Variants in KPNA3 observed in about 807,000 individuals in gnomAD.
KPNA3 encodes the protein karyopherin subunit alpha 3, also known as importin subunit alpha-4.
KPNA3 carries 13 observed loss-of-function variants against 73.8 expected under a neutral mutation model. That is an observed-to-expected ratio of 0.18 (90% CI 0.11 to 0.28). The LOEUF is 0.28. Ranked by LOEUF, KPNA3 falls within the 10% of genes least tolerant of loss-of-function variation. The probability of loss-of-function intolerance (pLI) is 1.00; values close to 1 mark genes in which losing one functional copy is unlikely to be tolerated. For missense variants in KPNA3, 360 were observed against 618.1 expected, an observed-to-expected ratio of 0.58 and a Z score of 4.43; for synonymous variants, 186 against 206.9, an observed-to-expected ratio of 0.90 and a Z score of 0.87.
intron 1 of KPNA3, among the ~76,000 whole-genome samples, chr13:49,761,706 T>C (rs1246634590): frequency 9.9e-5 from 15 of 151,406 alleles, no homozygotes; most frequent in Admixed American, 4.6e-4. Flanking sequence ...GCCCATCGTC[T>C]GGGATGTGAG....
chr13:49,722,833 A>G (rs1242981525), intron 7 of KPNA3, among the ~76,000 whole-genome samples: 1 of 149,040 alleles, frequency 6.7e-6, no homozygotes, highest in East Asian at 2.0e-4. Context: ...AATCCATTAA[A>G]AAAAAAAAAA....
chr13:49,775,476 A>G (rs1186652514), intron 1 of KPNA3, among the ~76,000 whole-genome samples: 1 of 152,164 alleles, frequency 6.6e-6, no homozygotes, highest in Non-Finnish European at 1.5e-5. Flanking sequence ...ACTGTGACAA[A>G]CTAGGGAGAA....
intron 1 of KPNA3, among the ~76,000 whole-genome samples, chr13:49,789,193 T>C (rs1196077931): frequency 1.3e-5 from 2 of 152,240 alleles, no homozygotes; most frequent in East Asian, 1.9e-4. Context: ...AAGCAACTCT[T>C]TGCCACAAGA....
intron 9 of KPNA3, 132 bp downstream of exon 9, chr13:49,721,819 TCAAA>T (rs886583632): frequency 1.5e-4 from 82 of 557,172 alleles, no homozygotes; most frequent in South Asian, 4.6e-4. Context: ...GACTCCGTTA[TCAAA>T]CAAACAAACA....
At chr13:49,767,544 G>C (rs1334918419) in intron 1 of KPNA3, among the ~76,000 whole-genome samples, 2 of 152,114 alleles carry the variant, frequency 1.3e-5, no homozygotes, top group African/African-American at 4.8e-5. Context: ...GTGTGTGAAA[G>C]AGTATCAAAT....
chr13:49,782,141 T>C (rs936745502), intron 1 of KPNA3, among the ~76,000 whole-genome samples: 2 of 152,158 alleles, frequency 1.3e-5, no homozygotes, highest in Non-Finnish European at 2.9e-5. Flanking sequence ...AGCACCTACA[T>C]TAAAAATCCC....
At chr13:49,762,727 C>T (rs1023177495) in intron 1 of KPNA3, among the ~76,000 whole-genome samples, 5 of 151,916 alleles carry the variant, frequency 3.3e-5, no homozygotes, top group African/African-American at 9.7e-5. Flanking sequence ...ACAAACACTG[C>T]GGTAGGCCGC....
In KPNA3 at chr13:49,750,915, C is replaced by A. The variant is rs181016974; in HGVS notation, c.70-3922G>T. ...GCTGAGGCACAAGAATTGCTTGAAC[C>A]TGGGAGGCGGAGGTTGCCATGAGCC... On this transcript the variant is annotated intron_variant, in intron 1 of 16. Transcript: ENST00000261667. 1.5e-3 allele frequency among the ~76,000 whole-genome samples: 232 copies of A among 152,126 alleles called. 1 individual carries two copies. Among genetic ancestry groups the A allele is most frequent in the African/African-American group, 5.1e-3 (213 of 41,492 alleles).
At chr13:49,718,190 CT>C (rs141924049) in intron 10 of KPNA3, among the ~76,000 whole-genome samples, 2,354 of 152,228 alleles carry the variant, frequency 0.015, 23 homozygotes, top group Non-Finnish European at 0.021. Flanking sequence ...TACAAGGATA[CT>C]GGTAAGATAA....
At chr13:49,788,766 A>C (rs1481857476) in intron 1 of KPNA3, among the ~76,000 whole-genome samples, 2 of 149,892 alleles carry the variant, frequency 1.3e-5, no homozygotes, top group Non-Finnish European at 3.0e-5. Flanking sequence ...TCCAGAACAA[A>C]TAAAAGGAAA....
intron 1 of KPNA3, among the ~76,000 whole-genome samples, chr13:49,762,143 G>A (rs1315641070): frequency 1.3e-4 from 19 of 149,960 alleles, no homozygotes; most frequent in African/African-American, 3.9e-4. Context: ...CTCCCCGTCC[G>A]GGAGGGAGGT....
intron 1 of KPNA3, among the ~76,000 whole-genome samples, chr13:49,769,188 C>T (rs556969861): frequency 6.6e-5 from 10 of 152,262 alleles, no homozygotes; most frequent in East Asian, 5.8e-4. Flanking sequence ...CAGAATGCCA[C>T]GTTACTTTTA....
intron 1 of KPNA3, among the ~76,000 whole-genome samples, chr13:49,761,896 G>A (rs976775881): frequency 9.3e-5 from 14 of 151,306 alleles, no homozygotes; most frequent in African/African-American, 2.2e-4. Context: ...CCACGACTCC[G>A]TCTGTGAGGT....
chr13:49,722,587 T>A, intron 7 of KPNA3, 24 bp from the exon 8 acceptor site: 1 of 1,405,110 alleles, frequency 7.1e-7, no homozygotes, highest in Non-Finnish European at 1.0e-6. Context: ...AAACTAATAT[T>A]TATACTAGCA....
At chr13:49,730,681 C>T (rs1300079739) in intron 6 of KPNA3, among the ~76,000 whole-genome samples, 1 of 150,316 alleles carries the variant, frequency 6.7e-6, no homozygotes, top group Non-Finnish European at 1.5e-5. Flanking sequence ...AGGTTAGTTA[C>T]ATATGTATAC....
chr13:49,721,915 G>C, intron 9 of KPNA3, 40 bp downstream of exon 9: 1 of 1,350,642 alleles, frequency 7.4e-7, no homozygotes, highest in South Asian at 1.8e-5. Context: ...TACAAACATA[G>C]GGAAAATATA....
At chr13:49,785,436 TA>T (rs1954974335) in intron 1 of KPNA3, among the ~76,000 whole-genome samples, 1 of 152,022 alleles carries the variant, frequency 6.6e-6, no homozygotes, top group African/African-American at 2.4e-5. Flanking sequence ...GATGATGCCA[TA>T]AACAGAAAAA....
chr13:49,706,982 C>T (rs1467467283), intron 12 of KPNA3, among the ~76,000 whole-genome samples: 1 of 152,084 alleles, frequency 6.6e-6, no homozygotes, highest in Non-Finnish European at 1.5e-5. Flanking sequence ...ATCTCCTGAC[C>T]TCGTGATCCA....
intron 8 of KPNA3, 61 bp from the exon 9 acceptor site, chr13:49,722,185 GTA>G: frequency 8.9e-7 from 1 of 1,126,990 alleles, no homozygotes; most frequent in African/African-American, 1.6e-5. Context: ...AGTCTGAAAT[GTA>G]TGCAATGGCT....
Sources: allele counts gnomAD v4.1 joint callset (sites outside exome capture counted in the v4.1 genomes callset), GRCh38; gene constraint gnomAD v4.1.1; transcripts MANE v1.5; gene names NCBI Gene and HGNC (gene_info 2026-07-23, HGNC 2026-07-21).